Variants in FANCA observed in about 807,000 individuals in gnomAD.
FANCA encodes Fanconi anemia group A protein.
Under a neutral mutation model 194.3 loss-of-function variants are expected in FANCA, and 236 were observed. That is an observed-to-expected ratio of 1.21 (90% CI 1.09 to 1.35). The LOEUF (loss-of-function observed/expected upper bound fraction) is 1.35, where lower values mean the gene tolerates loss of function less well. Among genes scored for constraint, FANCA ranks in the 40% most tolerant of loss-of-function variants. The pLI is 0.00. For synonymous variants in FANCA, 1,014 were observed against 715.8 expected (o/e 1.42, Z -6.65); for missense variants, 2,628 against 1,813.9 (o/e 1.45, Z -8.15).
In FANCA at chr16:89,792,065, A is replaced by G. The variant is rs531100141; in HGVS notation, c.1087T>C (p.Phe363Leu). ...AACTCCTCTGCACTCAGCATCACAA[A>G]GAGCTGAAATAAAAGCATCCGCTCC... is the stretch of plus-strand genomic sequence containing the variant. ...PLLTSLYRRL[F>L]VMLSAEELVG... The change falls in exon 13 of 43, where the codon TTT (phenylalanine) becomes CTT (leucine). Residue 363 changes from phenylalanine to leucine, a missense_variant. Coordinates refer to ENST00000389301, the MANE Select transcript of FANCA (RefSeq NM_000135.4). 1.4e-5 allele frequency: 23 copies of G among 1,614,198 alleles called. No individual in the cohort carries two copies. Among genetic ancestry groups the G allele is most frequent in the African/African-American group, 1.1e-4 (8 of 75,052 alleles).
chr16:89,759,923 GCTGTGCGGGACCT>G (rs1424790850), intron 29 of FANCA, among the ~76,000 whole-genome samples: 3 of 151,602 alleles, frequency 2.0e-5, no homozygotes, highest in African/African-American at 7.3e-5. Context: ...CTCCACCCAC[GCTGTGCGGGACCT>G]GGGTGCTCCA....
chr16:89,740,319 A>C (rs534748856), intron 38 of FANCA: 1 of 578,290 alleles, frequency 1.7e-6, no homozygotes, highest in African/African-American at 1.9e-5. Flanking sequence ...AGGCTGCTGC[A>C]CCACGTCCTC....
chr16:89,767,040 G>T, intron 27 of FANCA, 101 bp downstream of exon 27: 1 of 955,054 alleles, frequency 1.0e-6, no homozygotes. Context: ...CTGCCCCTGA[G>T]ATGGGCACAA....
intron 38 of FANCA, 95 bp from the exon 39 acceptor site, chr16:89,740,194 CTT>C: frequency 3.0e-6 from 3 of 996,166 alleles, no homozygotes; most frequent in Non-Finnish European, 4.9e-6. Context: ...GGCATTTCCT[CTT>C]TGCTTATTGT....
intron 36 of FANCA, among the ~76,000 whole-genome samples, chr16:89,743,865 CTG>C (rs1309523898): frequency 3.9e-5 from 6 of 152,116 alleles, no homozygotes; most frequent in Non-Finnish European, 5.9e-5. Context: ...ACAATCTGAT[CTG>C]TGTTTGTAGA....
chr16:89,810,822 T>C lies in FANCA; in HGVS notation c.427-20A>G, dbSNP rs755584134. On this transcript the variant is annotated intron_variant, in intron 4 of 42. Transcript: ENST00000389301. Reference sequence around the variant, plus strand: ...CTTCTTCTGAAAAGAGAGATTACATTTTTTAAAAAACAAATTACCTGAAAC... The same window carrying C: ...CTTCTTCTGAAAAGAGAGATTACATCTTTTAAAAAACAAATTACCTGAAAC... 3.7e-6 allele frequency: 6 copies of C among 1,613,224 alleles called. No individual in the cohort carries two copies. In the Admixed American group the frequency reaches 1.0e-4, roughly 27 times the overall value.
intron 26 of FANCA, 91 bp downstream of exon 26, chr16:89,769,746 T>C (rs958247734): frequency 5.5e-6 from 8 of 1,442,426 alleles, no homozygotes; most frequent in Non-Finnish European, 6.7e-6. Flanking sequence ...GTGGTATGTC[T>C]GCATGTCTGT....
intron 39 of FANCA, 200 bp from the exon 40 acceptor site, chr16:89,739,753 G>T (rs940271022): frequency 2.2e-5 from 33 of 1,486,308 alleles, no homozygotes; most frequent in Non-Finnish European, 2.9e-5. Context: ...TTGCAGGAGG[G>T]TGGGTGTGGT....
chr16:89,758,457 G>A lies in FANCA; in HGVS notation c.2981+120C>T. Reference sequence around the variant, plus strand: ...AGACTGACATTTGGGTATAGGCTGGGAAAGGCAGACCCACCCTAAGCTAAT... The same window carrying A: ...AGACTGACATTTGGGTATAGGCTGGAAAAGGCAGACCCACCCTAAGCTAAT... On this transcript the variant is annotated intron_variant, in intron 30 of 42. Coordinates refer to ENST00000389301, the MANE Select transcript of FANCA (RefSeq NM_000135.4). The A allele has an allele frequency of 3.2e-6, 4 of 1,237,844 alleles. No individual in the cohort carries two copies. In the South Asian group the frequency reaches 4.8e-5, roughly 15 times the overall value. 76.7% of individuals were successfully genotyped at this position (1,237,844 alleles called of 1,614,324 possible).
At chr16:89,748,541 C>T (rs1269415526) in intron 33 of FANCA, 118 bp downstream of exon 33, 1 of 847,852 alleles carries the variant, frequency 1.2e-6, no homozygotes, top group Non-Finnish European at 1.9e-6. Flanking sequence ...CCCTATTTGA[C>T]TTTGAACCCT....
intron 20 of FANCA, among the ~76,000 whole-genome samples, chr16:89,777,771 T>G (rs1567624642): frequency 6.6e-6 from 1 of 152,158 alleles, no homozygotes; most frequent in Non-Finnish European, 1.5e-5. Flanking sequence ...AGGTCTACTC[T>G]CAAGTTCTGC....
Position 89,749,581 on chromosome 16 carries a change from T to C in FANCA, c.3239+149A>G, listed in dbSNP as rs35934444. The C allele has an allele frequency of 1.2e-5, 12 of 997,116 alleles. No homozygotes were observed. The African/African-American group carries it at 1.6e-4, about 13-fold the overall frequency. The allele number at this position is 997,116 out of a possible 1,614,324, so 61.8% of individuals were successfully genotyped here. On this transcript the variant is annotated intron_variant, in intron 32 of 42. Transcript: ENST00000389301. ...CCTCCAGATCCTCTTCTCCGTGGCA[T>C]GTGCCACAGAAATGGACAGGCTTGG...
chr16:89,799,335 C>G (rs777874545), intron 9 of FANCA, 103 bp from the exon 10 acceptor site: 5 of 1,297,170 alleles, frequency 3.9e-6, no homozygotes, highest in Admixed American at 3.8e-5. Context: ...CTTCAACCCC[C>G]CAGAGGGCCC....
intron 17 of FANCA, among the ~76,000 whole-genome samples, chr16:89,780,945 G>A (rs928820554): frequency 2.0e-5 from 3 of 149,478 alleles, no homozygotes; most frequent in African/African-American, 4.9e-5. Context: ...AAAAAAAAAA[G>A]TAATTTATAA....
At position 89,738,675 on chromosome 16, in the gene FANCA, C is replaced by A. The variant is rs769243354; in HGVS notation, c.4294G>T (p.Val1432Leu). ...TGTCTGCTCTGGAGGGCGGCGCTCA[C>A]CTCTGGGTCGCAGTCCCCACGATCA... ...LADRGDCDPEVSAALQSRQQA... is the reference protein window; with the variant it reads ...LADRGDCDPELSAALQSRQQA... Residue 1432 changes from valine to leucine, a missense_variant, in exon 43 of 43, where the codon GTG becomes TTG. Coordinates refer to ENST00000389301, the MANE Select transcript of FANCA (RefSeq NM_000135.4). The A allele has an allele frequency of 1.1e-5, 18 of 1,613,808 alleles. No homozygotes were observed. In the East Asian group the frequency reaches 4.0e-4, roughly 36 times the overall value.
chr16:89,799,572 T>C (rs990030297), intron 9 of FANCA, 33 bp downstream of exon 9: 7 of 1,602,694 alleles, frequency 4.4e-6, no homozygotes, highest in African/African-American at 1.3e-5. Flanking sequence ...AACTAAGTCA[T>C]TTACAGTCTG....
intron 17 of FANCA, 112 bp from the exon 18 acceptor site, chr16:89,780,069 T>C: frequency 1.0e-6 from 1 of 996,032 alleles, no homozygotes; most frequent in Non-Finnish European, 1.6e-6. Flanking sequence ...TCTGTACACA[T>C]TAAAGGTAAA....
intron 26 of FANCA, among the ~76,000 whole-genome samples, chr16:89,767,956 G>C (rs936893378): frequency 6.6e-6 from 1 of 152,104 alleles, no homozygotes; most frequent in Non-Finnish European, 1.5e-5. Context: ...AAAGTGCTGG[G>C]ATTACAGCGT....
At chr16:89,810,462 G>C (rs990498598) in intron 5 of FANCA, 9 of 492,670 alleles carry the variant, frequency 1.8e-5, no homozygotes, top group African/African-American at 5.8e-5. Context: ...GGCTAAACGT[G>C]TTTTTCAATA....
Sources: allele counts gnomAD v4.1 joint callset (sites outside exome capture counted in the v4.1 genomes callset), GRCh38; gene constraint gnomAD v4.1.1; transcripts MANE v1.5; gene names NCBI Gene and HGNC (gene_info 2026-07-23, HGNC 2026-07-21).